Variants in ABCC1 observed in about 807,000 individuals in gnomAD.
ABCC1 encodes multidrug resistance-associated protein 1.
ABCC1 carries 83 observed loss-of-function variants against 172.9 expected under a neutral mutation model. The observed-to-expected ratio is 0.48, with a 90% confidence interval of 0.40 to 0.58. ABCC1 has a LOEUF of 0.58. Ranked by LOEUF, ABCC1 falls within the 20% of genes least tolerant of loss-of-function variation. The pLI, the probability that ABCC1 is intolerant of heterozygous loss-of-function variation, is 0.00. For missense variants in ABCC1, 1,817 were observed against 2,002.7 expected (o/e 0.91, Z 1.77); for synonymous variants, 937 against 825.2 (o/e 1.14, Z -2.32).
chr16:16,131,871 G>T lies in ABCC1; in HGVS notation c.3902G>T (p.Arg1301Leu). 6.2e-7 allele frequency: 1 copy of T among 1,614,176 alleles called. No homozygotes were observed. Among genetic ancestry groups the T allele is most frequent in the Non-Finnish European group, 8.5e-7 (1 of 1,180,030 alleles). The change falls in exon 27 of 31, where the codon CGC (arginine) becomes CTC (leucine). Residue 1301 changes from arginine (R) to leucine (L), a missense_variant. Physicochemically the swap from Arg to Leu is moderately radical, Grantham distance 102. Around this residue, in one of 3 missense-constraint regions of ABCC1, gnomAD observed 1,412 missense variants for 1,600.3 expected, o/e 0.88. Coordinates refer to ENST00000399410, the MANE Select transcript of ABCC1 (RefSeq NM_004996.4). ...GRVEFRNYCL[R>L]YREDLDFVLR... is the part of the protein sequence containing the mutation. Reference sequence around the variant, plus strand: ...GTGGAATTCCGGAACTACTGCCTGCGCTACCGAGAGGACCTGGACTTCGTT... The same window carrying T: ...GTGGAATTCCGGAACTACTGCCTGCTCTACCGAGAGGACCTGGACTTCGTT...
At chr16:16,114,524 A>G (rs2044760430) in intron 22 of ABCC1, among the ~76,000 whole-genome samples, 1 of 151,968 alleles carries the variant, frequency 6.6e-6, no homozygotes. Context: ...TATTTTTAGG[A>G]GAGACGGAGT....
intron 1 of ABCC1, among the ~76,000 whole-genome samples, chr16:15,971,334 A>T (rs1195154917): frequency 8.5e-5 from 13 of 152,138 alleles, no homozygotes; most frequent in Admixed American, 7.2e-4. Context: ...GTTGCTAGGA[A>T]CATGTGGGGA....
intron 17 of ABCC1, among the ~76,000 whole-genome samples, chr16:16,083,912 C>T (rs2050906279): frequency 6.6e-6 from 1 of 152,090 alleles, no homozygotes; most frequent in African/African-American, 2.4e-5. Context: ...GGCAAGGGAC[C>T]AAGAAGGAAG....
At chr16:16,118,170 TA>T (rs1030889854) in intron 23 of ABCC1, among the ~76,000 whole-genome samples, 1 of 152,202 alleles carries the variant, frequency 6.6e-6, no homozygotes, top group African/African-American at 2.4e-5. Context: ...CAATTGCCAG[TA>T]GGGATGGGTT....
At chr16:16,096,084 T>C (rs1163903370) in intron 19 of ABCC1, among the ~76,000 whole-genome samples, 1 of 152,076 alleles carries the variant, frequency 6.6e-6, no homozygotes, top group Non-Finnish European at 1.5e-5. Flanking sequence ...CTCGCCAACA[T>C]GGTGAAACCC....
chr16:15,985,866 C>T (rs1370854586), intron 1 of ABCC1, among the ~76,000 whole-genome samples: 3 of 152,144 alleles, frequency 2.0e-5, no homozygotes, highest in Non-Finnish European at 4.4e-5. Flanking sequence ...CGGAAGCTTG[C>T]AGGGAGAATC....
intron 1 of ABCC1, among the ~76,000 whole-genome samples, chr16:15,986,595 C>T (rs1567287804): frequency 6.6e-6 from 1 of 152,144 alleles, no homozygotes; most frequent in Non-Finnish European, 1.5e-5. Context: ...TGAAAGCCAC[C>T]CCCCGCCATC....
At chr16:16,103,292 T>G (rs1300028620) in intron 20 of ABCC1, among the ~76,000 whole-genome samples, 2 of 152,118 alleles carry the variant, frequency 1.3e-5, no homozygotes, top group African/African-American at 4.8e-5. Flanking sequence ...AAAAACTGGC[T>G]AAGTCGGCCA....
At chr16:16,064,983 A>C (rs2050059688) in intron 12 of ABCC1, among the ~76,000 whole-genome samples, 1 of 152,228 alleles carries the variant, frequency 6.6e-6, no homozygotes, top group Non-Finnish European at 1.5e-5. Context: ...AGGGTGGTCC[A>C]AGCTCACTGA....
chr16:16,097,441 A>G (rs1043735058), intron 19 of ABCC1, among the ~76,000 whole-genome samples: 4 of 152,188 alleles, frequency 2.6e-5, no homozygotes, highest in African/African-American at 9.6e-5. Flanking sequence ...TTGTCTCTCC[A>G]TCCCCAGGAC....
intron 8 of ABCC1, among the ~76,000 whole-genome samples, chr16:16,045,334 G>A (rs184557362): frequency 7.3e-6 from 1 of 137,720 alleles, no homozygotes; most frequent in East Asian, 2.3e-4. Flanking sequence ...GGAGGCAGAG[G>A]TTACAGCAAG....
At chr16:15,977,189 G>A (rs1321722097) in intron 1 of ABCC1, among the ~76,000 whole-genome samples, 1 of 152,174 alleles carries the variant, frequency 6.6e-6, no homozygotes, top group African/African-American at 2.4e-5. Context: ...CCTGTTCTTA[G>A]CTATATTCAA....
Position 16,106,753 on chromosome 16 carries a change from C to T in ABCC1, c.2751C>T (p.Ser917=), listed in dbSNP as rs371529863. The change falls in exon 21 of 31, where the codon TCC becomes TCT. Residue 917 remains serine (S), a synonymous_variant. Coordinates refer to ENST00000399410, the MANE Select transcript of ABCC1 (RefSeq NM_004996.4). ...GCTTCTCCAGACAGCTCAGCAGCTC[C>T]TCCTCCTATAGTGGGGACATCAGCA... ...GKQLQRQLSS[S]SSYSGDISRH... is the part of the protein sequence containing the mutation. 1.4e-4 allele frequency: 223 copies of T among 1,613,958 alleles called. No individual in the cohort carries two copies. The highest frequency in any genetic ancestry group is 1.9e-4 in the Non-Finnish European group (220 of 1,180,030).
chr16:16,022,527 CA>C (rs1372104110), intron 5 of ABCC1, among the ~76,000 whole-genome samples: 2 of 152,202 alleles, frequency 1.3e-5, no homozygotes, highest in African/African-American at 4.8e-5. Flanking sequence ...GTCCTTGGAC[CA>C]GTTGGAATGC....
intron 14 of ABCC1, among the ~76,000 whole-genome samples, chr16:16,075,390 C>T (rs1053183741): frequency 5.3e-5 from 8 of 151,300 alleles, no homozygotes; most frequent in Non-Finnish European, 1.2e-4. Flanking sequence ...TTTGGAAGGC[C>T]GAGGCAAGCA....
intron 9 of ABCC1, 87 bp from the exon 10 acceptor site, chr16:16,048,055 G>A: frequency 1.3e-6 from 2 of 1,491,174 alleles, no homozygotes; most frequent in East Asian, 4.5e-5. Context: ...GCCCCTGAGA[G>A]TCTCCTTCCT....
Position 16,115,014 on chromosome 16 carries a change from C to T in ABCC1, c.3328C>T (p.Leu1110=), listed in dbSNP as rs2044794441. The change falls in exon 23 of 31, where the codon CTG becomes TTG. Residue 1110 remains leucine, a synonymous_variant. Coordinates refer to ENST00000399410, the MANE Select transcript of ABCC1 (RefSeq NM_004996.4). The stretch of plus-strand genomic sequence containing the variant: ...CATTGGTGCCTGCATCGTTATCCTG[C>T]TGGCCACGCCCATCGCCGCCATCAT... ...NVIGACIVIL[L]ATPIAAIIIP... 6.2e-7 allele frequency: 1 copy of T among 1,614,214 alleles called. No homozygotes were observed. The highest frequency in any genetic ancestry group is 8.5e-7 in the Non-Finnish European group (1 of 1,180,038).
chr16:16,000,169 C>T (rs2047249924), intron 1 of ABCC1, among the ~76,000 whole-genome samples: 1 of 151,290 alleles, frequency 6.6e-6, no homozygotes, highest in Non-Finnish European at 1.5e-5. Flanking sequence ...TTTTTTGAAG[C>T]AGGTTCTCAC....
At chr16:16,114,674 C>T (rs2044769789) in intron 22 of ABCC1, 92 bp from the exon 23 acceptor site, 1 of 1,261,542 alleles carries the variant, frequency 7.9e-7, no homozygotes, top group Non-Finnish European at 1.1e-6. Flanking sequence ...GTTGGGAGTC[C>T]AGGCCTGCCT....
Sources: gnomAD v4.1 joint callset for allele counts (sites outside exome capture counted in the v4.1 genomes callset) on GRCh38, gnomAD v4.1.1 for gene constraint, gnomAD v4.1.1 regional missense constraint, MANE v1.5 for transcripts, NCBI Gene and HGNC (gene_info 2026-07-23, HGNC 2026-07-21) for gene names.